The following LHFPL6 variants were observed in gnomAD, a reference collection of about 807,000 sequenced individuals.
LHFPL6 encodes LHFPL tetraspan subfamily member 6, also known as LHFPL tetraspan subfamily member 6 protein.
In LHFPL6, 9 loss-of-function variants were observed where a neutral mutation model predicts 20.6. The observed-to-expected ratio is 0.44, with a 90% confidence interval of 0.26 to 0.76. The LOEUF is 0.76. Ranked by LOEUF, LHFPL6 falls within the 30% of genes least tolerant of loss-of-function variation. LHFPL6 has a pLI of 0.20. For missense variants in LHFPL6, 218 were observed against 253.5 expected (o/e 0.86, Z 0.95); for synonymous variants, 105 against 98.7 (o/e 1.06, Z -0.38).
intron 2 of LHFPL6, among the ~76,000 whole-genome samples, chr13:39,507,898 C>CCTTCCTTCCTTT (rs1183923303): frequency 1.3e-5 from 2 of 150,236 alleles, no homozygotes; most frequent in Non-Finnish European, 3.0e-5. Flanking sequence ...TCCCTTCCTT[C>CCTTCCTTCCTTT]CTTCCTCCCT....
chr13:39,493,458 T>C (rs1400230721), intron 2 of LHFPL6, among the ~76,000 whole-genome samples: 1 of 152,218 alleles, frequency 6.6e-6, no homozygotes, highest in African/African-American at 2.4e-5. Flanking sequence ...ACGTGAATTT[T>C]ATAACACATG....
chr13:39,365,561 A>G (rs1412487757), intron 3 of LHFPL6, among the ~76,000 whole-genome samples: 1 of 152,204 alleles, frequency 6.6e-6, no homozygotes, highest in Non-Finnish European at 1.5e-5. Context: ...AAGACGTGGT[A>G]AGATACTCTT....
At chr13:39,512,601 C>CAAAAAAAAAAAAA (rs565183661) in intron 2 of LHFPL6, among the ~76,000 whole-genome samples, 9 of 109,586 alleles carry the variant, frequency 8.2e-5, no homozygotes, top group African/African-American at 3.2e-4. Flanking sequence ...GCCTCCGTCT[C>CAAAAAAAAAAAAA]AAAAAAAAAA....
chr13:39,413,908 A>C (rs964184067), intron 2 of LHFPL6, among the ~76,000 whole-genome samples: 6 of 152,224 alleles, frequency 3.9e-5, no homozygotes, highest in Non-Finnish European at 8.8e-5. Flanking sequence ...AAATAAATGG[A>C]ATCATAAATT....
chr13:39,561,022 C>T (rs143223747), intron 2 of LHFPL6, among the ~76,000 whole-genome samples: 2 of 152,124 alleles, frequency 1.3e-5, no homozygotes, highest in African/African-American at 2.4e-5. Context: ...CATCACCTTC[C>T]TCTGCATTCT....
intron 2 of LHFPL6, among the ~76,000 whole-genome samples, chr13:39,436,289 A>G (rs892621473): frequency 3.3e-5 from 5 of 152,216 alleles, no homozygotes; most frequent in African/African-American, 1.2e-4. Flanking sequence ...ATGTACTTCA[A>G]TGTCAACTAT....
chr13:39,550,714 G>C (rs530629651), intron 2 of LHFPL6, among the ~76,000 whole-genome samples: 1 of 152,036 alleles, frequency 6.6e-6, no homozygotes, highest in East Asian at 1.9e-4. Context: ...ATTTATTTTG[G>C]CTTTATGAAT....
At chr13:39,483,567 C>A (rs372773221) in intron 2 of LHFPL6, among the ~76,000 whole-genome samples, 8 of 150,708 alleles carry the variant, frequency 5.3e-5, no homozygotes, top group East Asian at 2.0e-4. Flanking sequence ...TCTAATGATA[C>A]CATGAAACAC....
At chr13:39,522,097 C>T (rs1482235688) in intron 2 of LHFPL6, among the ~76,000 whole-genome samples, 2 of 152,150 alleles carry the variant, frequency 1.3e-5, no homozygotes, top group Non-Finnish European at 2.9e-5. Flanking sequence ...TGATTTCCAA[C>T]TTTTGTCACA....
intron 2 of LHFPL6, among the ~76,000 whole-genome samples, chr13:39,440,424 T>C (rs1872085969): frequency 6.6e-6 from 1 of 151,926 alleles, no homozygotes; most frequent in African/African-American, 2.4e-5. Context: ...AGGCTGAGAG[T>C]TCAAGACCCA....
chr13:39,380,190 C>T (rs773900880), intron 2 of LHFPL6, among the ~76,000 whole-genome samples: 7 of 152,112 alleles, frequency 4.6e-5, no homozygotes, highest in Admixed American at 6.5e-5. Context: ...ATCATGTCTG[C>T]GATACTCAGT....
At chr13:39,465,400 G>A (rs764302742) in intron 2 of LHFPL6, among the ~76,000 whole-genome samples, 2 of 152,078 alleles carry the variant, frequency 1.3e-5, no homozygotes, top group African/African-American at 2.4e-5. Context: ...CTGTCTCTGT[G>A]ACCTCCAAAT....
chr13:39,348,114 T>C (rs1869456765), intron 3 of LHFPL6, among the ~76,000 whole-genome samples: 1 of 152,150 alleles, frequency 6.6e-6, no homozygotes. Flanking sequence ...GGTTTTGCTT[T>C]TGTTTTTGGC....
At chr13:39,406,280 AG>A (rs1291666586) in intron 2 of LHFPL6, among the ~76,000 whole-genome samples, 2 of 152,194 alleles carry the variant, frequency 1.3e-5, no homozygotes, top group Non-Finnish European at 2.9e-5. Flanking sequence ...TGCACAGGTA[AG>A]ATTACCTAGA....
At chr13:39,443,674 C>G (rs1349802578) in intron 2 of LHFPL6, among the ~76,000 whole-genome samples, 2 of 151,896 alleles carry the variant, frequency 1.3e-5, no homozygotes, top group Admixed American at 1.3e-4. Context: ...AAGGGCCATT[C>G]CAATACGGTA....
At chr13:39,537,282 T>C (rs1194289815) in intron 2 of LHFPL6, among the ~76,000 whole-genome samples, 2 of 152,180 alleles carry the variant, frequency 1.3e-5, no homozygotes. Flanking sequence ...TTATGGATGA[T>C]GCATCAAAAC....
intron 2 of LHFPL6, among the ~76,000 whole-genome samples, chr13:39,429,522 A>C (rs1871732301): frequency 6.6e-6 from 1 of 152,166 alleles, no homozygotes; most frequent in Non-Finnish European, 1.5e-5. Context: ...TCTTATAGGC[A>C]ACATATAGTT....
intron 2 of LHFPL6, among the ~76,000 whole-genome samples, chr13:39,547,042 C>G (rs1871003208): frequency 6.6e-6 from 1 of 151,990 alleles, no homozygotes; most frequent in South Asian, 2.1e-4. Flanking sequence ...CAATTTTCTG[C>G]CCTAACAGCA....
chr13:39,430,613 C>A (rs1051367562), intron 2 of LHFPL6, among the ~76,000 whole-genome samples: 1 of 152,182 alleles, frequency 6.6e-6, no homozygotes. Flanking sequence ...ACTTGGAGAA[C>A]TTTTCTGTCT....
Sources: gnomAD v4.1 joint callset for allele counts (sites outside exome capture counted in the v4.1 genomes callset) on GRCh38, gnomAD v4.1.1 for gene constraint, MANE v1.5 for transcripts, NCBI Gene and HGNC (gene_info 2026-07-23, HGNC 2026-07-21) for gene names.